Variants in DPYD observed in about 807,000 individuals in gnomAD.
DPYD encodes dihydropyrimidine dehydrogenase.
In DPYD, 109 loss-of-function variants were observed where a neutral mutation model predicts 116.2. That is an observed-to-expected ratio of 0.94 (90% CI 0.80 to 1.10). The LOEUF (loss-of-function observed/expected upper bound fraction) is 1.10. Ranked by LOEUF, DPYD falls within the 50% of genes least tolerant of loss-of-function variation. The pLI is 0.00. For missense variants in DPYD, 1,302 were observed against 1,254.5 expected (o/e 1.04, Z -0.57); for synonymous variants, 440 against 432.0 (o/e 1.02, Z -0.23).
intron 3 of DPYD, among the ~76,000 whole-genome samples, chr1:97,763,945 A>C (rs1202379121): frequency 6.6e-6 from 1 of 152,088 alleles, no homozygotes; most frequent in African/African-American, 2.4e-5. Flanking sequence ...TCAGGTCACA[A>C]TTGTTTGCAC....
chr1:97,312,552 C>G (rs1434958926), intron 16 of DPYD, among the ~76,000 whole-genome samples: 1 of 151,790 alleles, frequency 6.6e-6, no homozygotes, highest in Non-Finnish European at 1.5e-5. Context: ...ATAATCCATA[C>G]AATGAAATAC....
chr1:97,802,986 C>G (rs928962798), intron 3 of DPYD, among the ~76,000 whole-genome samples: 3 of 151,900 alleles, frequency 2.0e-5, no homozygotes, highest in Non-Finnish European at 4.4e-5. Flanking sequence ...AAGTTTACTT[C>G]TTACATGCCT....
chr1:97,229,672 C>T (rs768107283), intron 19 of DPYD, among the ~76,000 whole-genome samples: 15 of 149,744 alleles, frequency 1.0e-4, no homozygotes, highest in Non-Finnish European at 2.2e-4. Flanking sequence ...AAGCTAATGG[C>T]AGAGCTGAAA....
At chr1:97,581,428 T>C (rs1262426115) in intron 10 of DPYD, among the ~76,000 whole-genome samples, 1 of 149,056 alleles carries the variant, frequency 6.7e-6, no homozygotes, top group Non-Finnish European at 1.5e-5. Flanking sequence ...GCATTTCACC[T>C]AGCAGTAGTG....
intron 5 of DPYD, among the ~76,000 whole-genome samples, chr1:97,710,242 T>C (rs751792358): frequency 1.1e-4 from 16 of 151,810 alleles, no homozygotes; most frequent in African/African-American, 2.7e-4. Context: ...AATGAAGAAA[T>C]TGCTATTTGT....
chr1:97,567,315 T>TAA (rs1652589555), intron 11 of DPYD, among the ~76,000 whole-genome samples: 1 of 149,504 alleles, frequency 6.7e-6, no homozygotes. Context: ...ATGAGTGATT[T>TAA]AAAAACCTTT....
intron 9 of DPYD, among the ~76,000 whole-genome samples, chr1:97,594,521 T>C (rs908225785): frequency 2.6e-5 from 4 of 152,210 alleles, no homozygotes; most frequent in Admixed American, 1.3e-4. Context: ...ATTTAGATTA[T>C]CTGACTTTGG....
At chr1:97,378,987 A>G (rs1432430572) in intron 15 of DPYD, among the ~76,000 whole-genome samples, 7 of 152,248 alleles carry the variant, frequency 4.6e-5, no homozygotes, top group Non-Finnish European at 5.9e-5. Flanking sequence ...TTGTAAACAC[A>G]GAGTTAGGTA....
intron 12 of DPYD, among the ~76,000 whole-genome samples, chr1:97,520,838 G>A (rs1375831172): frequency 1.3e-5 from 2 of 152,122 alleles, no homozygotes; most frequent in African/African-American, 4.8e-5. Flanking sequence ...GTATTCCATG[G>A]TATATATGAG....
intron 8 of DPYD, among the ~76,000 whole-genome samples, chr1:97,595,821 C>T (rs902828242): frequency 6.6e-6 from 1 of 151,660 alleles, no homozygotes; most frequent in African/African-American, 2.4e-5. Context: ...ATATAAATCA[C>T]CTATAAGCAC....
intron 12 of DPYD, among the ~76,000 whole-genome samples, chr1:97,521,472 G>A (rs573149850): frequency 6.6e-6 from 1 of 152,242 alleles, no homozygotes; most frequent in Non-Finnish European, 1.5e-5. Context: ...TCATGAAAAT[G>A]GCCATACTGC....
intron 3 of DPYD, among the ~76,000 whole-genome samples, chr1:97,819,527 G>T (rs557150585): frequency 1.3e-5 from 2 of 151,764 alleles, no homozygotes; most frequent in Non-Finnish European, 2.9e-5. Flanking sequence ...TTTTCAGAAT[G>T]TTTAAAAAAT....
intron 14 of DPYD, among the ~76,000 whole-genome samples, chr1:97,417,404 C>A (rs1044755851): frequency 2.0e-5 from 3 of 152,220 alleles, no homozygotes; most frequent in Non-Finnish European, 4.4e-5. Context: ...GCTACTTCCT[C>A]TGCCCCTGTA....
At chr1:97,814,120 A>G (rs1223267888) in intron 3 of DPYD, among the ~76,000 whole-genome samples, 1 of 152,144 alleles carries the variant, frequency 6.6e-6, no homozygotes, top group East Asian at 1.9e-4. Context: ...ATGACACTGA[A>G]GCTGAGAGCT....
chr1:97,570,028 T>C (rs1421975396), intron 11 of DPYD, among the ~76,000 whole-genome samples: 2 of 152,006 alleles, frequency 1.3e-5, no homozygotes, highest in African/African-American at 4.8e-5. Flanking sequence ...ATACTTATCT[T>C]TTCTATAAGC....
chr1:97,572,556 CA>C (rs1265116221), intron 11 of DPYD, among the ~76,000 whole-genome samples: 3 of 151,852 alleles, frequency 2.0e-5, no homozygotes, highest in Non-Finnish European at 4.4e-5. Flanking sequence ...TGGTGATGTA[CA>C]TAGTATTTAA....
At chr1:97,482,983 G>A (rs927272122) in intron 13 of DPYD, among the ~76,000 whole-genome samples, 5 of 151,920 alleles carry the variant, frequency 3.3e-5, no homozygotes, top group African/African-American at 7.3e-5. Flanking sequence ...TTCTTGTACC[G>A]CTCTCTCATT....
Position 97,547,676 on chromosome 1 carries a change from TTTG to T in DPYD, c.1524+1881_1524+1883del, listed in dbSNP as rs138810296. Among the ~76,000 whole-genome samples the T allele has an allele frequency of 2.7e-3, 406 of 152,126 alleles. 5 individuals are homozygous for T. The highest frequency in any genetic ancestry group is 0.01 in the Middle Eastern group (3 of 294). On this transcript the variant is annotated intron_variant, in intron 12 of 22. Transcript: ENST00000370192. Reference sequence around the variant, plus strand: ...TTTCTCTCTCTTTCTCTCTCGTTGTTTTGTTGTTGTTGTTGTTGTTTAAAGATG... The same window carrying T: ...TTTCTCTCTCTTTCTCTCTCGTTGTTTTGTTGTTGTTGTTGTTTAAAGATG...
chr1:97,746,897 T>C lies in DPYD; in HGVS notation c.234-6418A>G, dbSNP rs185068434. On this transcript the variant is annotated intron_variant, in intron 3 of 22. Transcript: ENST00000370192. Reference sequence around the variant, plus strand: ...CAATGACCAAAAGGCCAAAAGAAAATGTTTTTTGTTTTTTGGATTTTTTTT... The same window carrying C: ...CAATGACCAAAAGGCCAAAAGAAAACGTTTTTTGTTTTTTGGATTTTTTTT... 4.6e-5 allele frequency among the ~76,000 whole-genome samples: 7 copies of C among 151,746 alleles called. No individual in the cohort carries two copies. The East Asian group carries it at 9.7e-4, about 21-fold the overall frequency.
Sources: allele counts gnomAD v4.1 joint callset (sites outside exome capture counted in the v4.1 genomes callset), GRCh38; gene constraint gnomAD v4.1.1; transcripts MANE v1.5; gene names NCBI Gene and HGNC (gene_info 2026-07-23, HGNC 2026-07-21).